ERN1: variants seen among roughly 807,000 people sequenced by gnomAD.
ERN1 encodes endoplasmic reticulum to nucleus signaling 1.
A neutral mutation model predicts 113.1 loss-of-function variants in ERN1; 39 were observed. The observed-to-expected ratio is 0.34, with a 90% CI of 0.27 to 0.45. The LOEUF (loss-of-function observed/expected upper bound fraction) is 0.45. Ranked by LOEUF, ERN1 falls within the 20% of genes least tolerant of loss-of-function variation. ERN1 has a pLI of 1.00. For synonymous variants in ERN1, 507 were observed against 515.9 expected (o/e 0.98, Z 0.23); for missense variants, 976 against 1,274.8 (o/e 0.77, Z 3.57).
chr17:64,057,180 C>A (rs1055926680), intron 12 of ERN1, among the ~76,000 whole-genome samples: 6 of 152,144 alleles, frequency 3.9e-5, no homozygotes, highest in Non-Finnish European at 8.8e-5. Flanking sequence ...GAGGAAAGGT[C>A]TTCATCTATT....
intron 1 of ERN1, 69 bp downstream of exon 1, chr17:64,129,907 G>T: frequency 7.7e-7 from 1 of 1,298,780 alleles, no homozygotes; most frequent in Non-Finnish European, 9.8e-7. Flanking sequence ...CCCCGGCGCC[G>T]CGACGCTGCC....
chr17:64,053,626 G>GT (rs983786071), intron 15 of ERN1, among the ~76,000 whole-genome samples: 1 of 152,156 alleles, frequency 6.6e-6, no homozygotes, highest in Non-Finnish European at 1.5e-5. Context: ...TACTGATATG[G>GT]TTTCAAAGTG....
chr17:64,124,908 G>C (rs1317318913), intron 1 of ERN1, among the ~76,000 whole-genome samples: 1 of 152,190 alleles, frequency 6.6e-6, no homozygotes, highest in African/African-American at 2.4e-5. Flanking sequence ...ATTTATATAA[G>C]AGGTCCAGAA....
chr17:64,087,053 T>C (rs1913956075), intron 2 of ERN1, among the ~76,000 whole-genome samples: 1 of 152,140 alleles, frequency 6.6e-6, no homozygotes, highest in African/African-American at 2.4e-5. Context: ...CCACCAGCAA[T>C]GTATTAGAGA....
In ERN1 at chr17:64,130,058, C is replaced by T. The variant is rs1054122750; in HGVS notation, c.-29G>A. 4 of 1,378,814 alleles carry T rather than the reference C, an allele frequency of 2.9e-6. No individual in the cohort carries two copies. Among genetic ancestry groups the T allele is most frequent in the Admixed American group, 3.6e-5 (1 of 27,520 alleles). The allele number at this position is 1,378,814 out of a possible 1,614,324, so 85.4% of individuals were successfully genotyped here. A position where few individuals can be genotyped will look rare whatever the true frequency, so the allele number is the denominator to read the frequency against. ...GAGGACTCGGCCCTGGCTCCGGGGG[C>T]GGTACGGACAGAGGACGGGGCGGGG... On this transcript the variant is annotated 5_prime_UTR_variant, in exon 1 of 22. Coordinates refer to ENST00000433197, the MANE Select transcript of ERN1 (RefSeq NM_001433.5). This position sits in a 1 kb window ranked among gnomAD's most constrained non-coding sequence, Gnocchi z 4.0.
intron 1 of ERN1, among the ~76,000 whole-genome samples, chr17:64,101,630 A>C (rs1914387421): frequency 6.6e-6 from 1 of 152,152 alleles, no homozygotes; most frequent in Non-Finnish European, 1.5e-5. Context: ...TTCCACATGA[A>C]GCACTTTCCA....
intron 1 of ERN1, among the ~76,000 whole-genome samples, chr17:64,118,363 T>G (rs193059030): frequency 2.2e-4 from 34 of 152,332 alleles, no homozygotes; most frequent in African/African-American, 8.2e-4. Flanking sequence ...ACTGGCCCTA[T>G]GATTACATTT....
intron 19 of ERN1, among the ~76,000 whole-genome samples, chr17:64,047,393 G>C (rs1476370472): frequency 6.6e-6 from 1 of 152,114 alleles, no homozygotes; most frequent in Non-Finnish European, 1.5e-5. Flanking sequence ...ATAAGCTTAT[G>C]ACACTTGAAT....
chr17:64,041,694 C>G lies in ERN1; in HGVS notation c.*2294G>C, dbSNP rs1912342388. ...CCGCAAACACGCGCCCTTCCCCACA[C>G]ACTTTGGTTTCTTTGTGGCAGCAAC... is the stretch of plus-strand genomic sequence containing the variant. On this transcript the variant is annotated 3_prime_UTR_variant, in exon 22 of 22. Coordinates refer to ENST00000433197, the MANE Select transcript of ERN1 (RefSeq NM_001433.5). The G allele has an allele frequency of 1.3e-5, 2 of 152,322 alleles. No homozygotes were observed. The highest frequency in any genetic ancestry group is 2.1e-4 in the South Asian group (1 of 4,826). The allele number at this position is 152,322 out of a possible 1,614,324, so 9.4% of individuals were successfully genotyped here. A position where few individuals can be genotyped will look rare whatever the true frequency, so the allele number is the denominator to read the frequency against.
chr17:64,128,307 G>C (rs145694627), intron 1 of ERN1, among the ~76,000 whole-genome samples: 1 of 151,854 alleles, frequency 6.6e-6, no homozygotes, highest in African/African-American at 2.4e-5. Flanking sequence ...CACCGGGCCC[G>C]GCCTGACCTT....
intron 1 of ERN1, among the ~76,000 whole-genome samples, chr17:64,111,628 A>AT (rs941290499): frequency 2.0e-5 from 3 of 152,130 alleles, no homozygotes; most frequent in African/African-American, 4.8e-5. Flanking sequence ...AAGTGCTGGG[A>AT]TTACAGGCAT....
At chr17:64,078,024 C>T (rs1913652266) in intron 4 of ERN1, among the ~76,000 whole-genome samples, 1 of 152,208 alleles carries the variant, frequency 6.6e-6, no homozygotes, top group African/African-American at 2.4e-5. Flanking sequence ...TGAGCCACCG[C>T]ACCCAGCCAC....
chr17:64,064,226 G>A lies in ERN1; in HGVS notation c.922-75C>T, dbSNP rs572013822. On this transcript the variant is annotated intron_variant, in intron 9 of 21. Coordinates refer to ENST00000433197, the MANE Select transcript of ERN1 (RefSeq NM_001433.5). Reference sequence around the variant, plus strand: ...CCCACGGCACACCATCCCAGCCACTGTCCTGAAAGGTGAGCAATTTCTAGT... The same window carrying A: ...CCCACGGCACACCATCCCAGCCACTATCCTGAAAGGTGAGCAATTTCTAGT... 4.5e-4 allele frequency: 661 copies of A among 1,460,382 alleles called. No individual in the cohort carries two copies. The Middle Eastern group carries it at 5.5e-3, about 12-fold the overall frequency. The allele number at this position is 1,460,382 out of a possible 1,614,324, so 90.5% of individuals were successfully genotyped here.
At chr17:64,109,884 C>T (rs950387314) in intron 1 of ERN1, among the ~76,000 whole-genome samples, 21 of 152,212 alleles carry the variant, frequency 1.4e-4, no homozygotes, top group Admixed American at 3.9e-4. Context: ...TAAATTACTT[C>T]AGGCCTGAAG....
intron 12 of ERN1, among the ~76,000 whole-genome samples, chr17:64,056,553 TC>T (rs1912877246): frequency 6.6e-6 from 1 of 152,156 alleles, no homozygotes; most frequent in South Asian, 2.1e-4. Flanking sequence ...CCCACTGCCT[TC>T]CCCGAGGCCA....
Position 64,054,709 on chromosome 17 carries a change from G to A in ERN1, c.1763+29C>T, listed in dbSNP as rs1412359328. The stretch of plus-strand genomic sequence containing the variant: ...GACAGGCACTTAGACACCAGGCGGT[G>A]AGGGCAGGGGGCTGGCTAATCCACT... On this transcript the variant is annotated intron_variant, in intron 14 of 21. Coordinates refer to ENST00000433197, the MANE Select transcript of ERN1 (RefSeq NM_001433.5). The surrounding 1 kb of genome is among the most constrained non-coding windows in gnomAD (Gnocchi z 4.9). 4 of 1,551,124 alleles carry A rather than the reference G, an allele frequency of 2.6e-6. 1 individual carries two copies. Among genetic ancestry groups the A allele is most frequent in the Middle Eastern group, 2.1e-4 (1 of 4,780 alleles).
intron 9 of ERN1, among the ~76,000 whole-genome samples, chr17:64,064,482 G>A (rs1333317317): frequency 6.6e-6 from 1 of 152,214 alleles, no homozygotes; most frequent in South Asian, 2.1e-4. Flanking sequence ...CACAATCTAC[G>A]CAACCAATGG....
At position 64,104,792 on chromosome 17, in the gene ERN1, C is replaced by T. The variant is rs1369623991; in HGVS notation, c.55-6551G>A. On this transcript the variant is annotated intron_variant, in intron 1 of 21. Transcript: ENST00000433197. ...CAAGATCGCACCACTGCACTCCAGC[C>T]TGGGTGACAGAGAGAGACTCCATCT... Among the ~76,000 whole-genome samples the T allele has an allele frequency of 2.0e-5, 3 of 151,934 alleles. No individual in the cohort carries two copies. In the East Asian group the frequency reaches 5.8e-4, roughly 29 times the overall value.
In ERN1 at chr17:64,044,081, G is replaced by A; in HGVS notation, c.2841C>T (p.Ala947=). The A allele has an allele frequency of 6.2e-7, 1 of 1,613,656 alleles. No individual in the cohort carries two copies. The highest frequency in any genetic ancestry group is 8.5e-7 in the Non-Finnish European group (1 of 1,179,768). Residue 947 remains alanine, a synonymous_variant, in exon 22 of 22, where the codon GCC becomes GCT. Coordinates refer to ENST00000433197, the MANE Select transcript of ERN1 (RefSeq NM_001433.5). The surrounding 1 kb of genome is among the most constrained non-coding windows in gnomAD (Gnocchi z 4.1). ...FPHLLAHTYR[A]MELCSHERLF... ...GTCTCTCGTGGCTGCACAGCTCCAT[G>A]GCCCGGTAGGTGTGTGCGAGGAGGT...
Sources: allele counts gnomAD v4.1 joint callset (sites outside exome capture counted in the v4.1 genomes callset), GRCh38; gene constraint gnomAD v4.1.1; non-coding constraint Gnocchi (gnomAD v3.1); transcripts MANE v1.5; gene names NCBI Gene and HGNC (gene_info 2026-07-23, HGNC 2026-07-21).